DCAF8L2: variants seen among roughly 807,000 people sequenced by gnomAD.
DCAF8L2 encodes DDB1 and CUL4 associated factor 8 like 2.
For missense variants in DCAF8L2, 430 were observed against 490.7 expected (o/e 0.88, Z 1.17); for synonymous variants, 200 against 190.9 (o/e 1.05, Z -0.39).
intron 3 of DCAF8L2, among the ~76,000 whole-genome samples, chrX:27,691,420 T>G (rs1386233745): frequency 9.0e-6 from 1 of 111,033 alleles, no homozygotes; most frequent in African/African-American, 3.3e-5. Context: ...TAAAACACAG[T>G]TTTAAAATTC....
chrX:27,626,121 T>C (rs1927996493), intron 1 of DCAF8L2, among the ~76,000 whole-genome samples: 1 of 111,943 alleles, frequency 8.9e-6, no homozygotes, highest in Admixed American at 9.5e-5. Flanking sequence ...AGCTGAAAAC[T>C]TAAAAGAAGG....
rs192130270 is a variant in DCAF8L2, at chrX:27,646,519, T to G, written c.-220+14519T>G. Among the ~76,000 whole-genome samples the G allele has an allele frequency of 3.6e-3, 403 of 111,695 alleles. 4 individuals are homozygous for G. Among genetic ancestry groups the G allele is most frequent in the African/African-American group, 0.013 (389 of 30,840 alleles). ...ATAGGCATGGGCAAAGATTTTATGATGAAATCACCAAAAGTAATTGCAACA... is the reference window on the plus strand; with the variant it reads ...ATAGGCATGGGCAAAGATTTTATGAGGAAATCACCAAAAGTAATTGCAACA... On this transcript the variant is annotated intron_variant, in intron 2 of 4. Coordinates refer to ENST00000451261, the MANE Select transcript of DCAF8L2 (RefSeq NM_001353450.2).
chrX:27,704,308 A>G (rs1202691358), intron 3 of DCAF8L2, among the ~76,000 whole-genome samples: 4 of 107,087 alleles, frequency 3.7e-5, no homozygotes, highest in Admixed American at 2.0e-4. Context: ...ATGTGTGTGT[A>G]TATATATACA....
At chrX:27,645,433 C>T (rs1928901780) in intron 2 of DCAF8L2, among the ~76,000 whole-genome samples, 1 of 111,226 alleles carries the variant, frequency 9.0e-6, no homozygotes, top group East Asian at 2.8e-4. Flanking sequence ...ATAATAAAAG[C>T]CATTTATAAC....
the DCAF8L2 span, among the ~76,000 whole-genome samples, chrX:27,501,773 G>C: frequency 9.0e-6 from 1 of 110,823 alleles, no homozygotes; most frequent in African/African-American, 3.3e-5. Context: ...CCCTGGCATG[G>C]GGTTGAGAGG....
the DCAF8L2 span, among the ~76,000 whole-genome samples, chrX:27,576,663 G>A: frequency 7.2e-5 from 8 of 111,677 alleles, no homozygotes; most frequent in African/African-American, 2.6e-4. Flanking sequence ...ATAAGCCAGT[G>A]CAAAAATATA....
intron 1 of DCAF8L2, among the ~76,000 whole-genome samples, chrX:27,602,699 C>T (rs1926705389): frequency 4.5e-5 from 5 of 110,700 alleles, no homozygotes; most frequent in Admixed American, 2.9e-4. Context: ...TAATTTTGTC[C>T]TTTTTATGTT....
chrX:27,635,771 A>G (rs931348991), intron 2 of DCAF8L2, among the ~76,000 whole-genome samples: 6 of 106,654 alleles, frequency 5.6e-5, no homozygotes, highest in African/African-American at 2.1e-4. Context: ...AACGTATGAA[A>G]GCAATTTCCT....
At chrX:27,540,401 A>G in the DCAF8L2 span, among the ~76,000 whole-genome samples, 26,598 of 110,661 alleles carry the variant, frequency 0.24, 3,174 homozygotes, top group African/African-American at 0.45. Flanking sequence ...GAAGCAGCCA[A>G]ACAGGTCCCT....
the DCAF8L2 span, among the ~76,000 whole-genome samples, chrX:27,524,147 T>A: frequency 9.0e-6 from 1 of 111,618 alleles, no homozygotes; most frequent in Non-Finnish European, 1.9e-5. Context: ...CGGCTGTGAA[T>A]CCGTCTGGTC....
chrX:27,577,863 A>G, the DCAF8L2 span, among the ~76,000 whole-genome samples: 1 of 111,821 alleles, frequency 8.9e-6, no homozygotes, highest in East Asian at 2.8e-4. Context: ...GACTTTCTCA[A>G]GGAGAACTAC....
intron 4 of DCAF8L2, among the ~76,000 whole-genome samples, chrX:27,734,799 A>G (rs1226941193): frequency 9.0e-6 from 1 of 111,719 alleles, no homozygotes; most frequent in African/African-American, 3.3e-5. Flanking sequence ...AATTATATTA[A>G]TATCTCTAAT....
At chrX:27,591,964 G>A (rs972266612) in intron 1 of DCAF8L2, among the ~76,000 whole-genome samples, 2 of 112,546 alleles carry the variant, frequency 1.8e-5, no homozygotes, top group Non-Finnish European at 1.9e-5. Flanking sequence ...CCTGGTTGTC[G>A]TCCATCCTGC....
the DCAF8L2 span, among the ~76,000 whole-genome samples, chrX:27,492,213 T>A: frequency 8.9e-6 from 1 of 112,155 alleles, no homozygotes; most frequent in Non-Finnish European, 1.9e-5. Flanking sequence ...GTTTTGAAGA[T>A]CATCATCCCT....
At chrX:27,529,537 C>G in the DCAF8L2 span, among the ~76,000 whole-genome samples, 2 of 111,025 alleles carry the variant, frequency 1.8e-5, no homozygotes, top group Non-Finnish European at 3.8e-5. Context: ...GGTAAGCACA[C>G]AAAATAATCA....
intron 3 of DCAF8L2, among the ~76,000 whole-genome samples, chrX:27,703,288 A>G (rs919981658): frequency 2.7e-5 from 3 of 111,394 alleles, no homozygotes; most frequent in Admixed American, 9.6e-5. Flanking sequence ...AATCTCTATC[A>G]AAATCGCAGC....
intron 1 of DCAF8L2, among the ~76,000 whole-genome samples, chrX:27,600,789 A>T: frequency 8.9e-6 from 1 of 112,153 alleles, no homozygotes; most frequent in Non-Finnish European, 1.9e-5. Context: ...TCTAGGGTGC[A>T]TGGAAATCAA....
intron 1 of DCAF8L2, among the ~76,000 whole-genome samples, chrX:27,594,769 AC>A (rs1334069600): frequency 8.9e-6 from 1 of 111,763 alleles, no homozygotes; most frequent in Non-Finnish European, 1.9e-5. Context: ...TAATATGGTA[AC>A]ATCAATAACA....
chrX:27,545,013 G>A, the DCAF8L2 span, among the ~76,000 whole-genome samples: 40 of 112,199 alleles, frequency 3.6e-4, no homozygotes, highest in African/African-American at 1.0e-3. Context: ...AATTTTAGCA[G>A]TTTAAAATCT....
Sources: gnomAD v4.1 joint callset for allele counts (sites outside exome capture counted in the v4.1 genomes callset) on GRCh38, gnomAD v4.1.1 for gene constraint, MANE v1.5 for transcripts, NCBI Gene and HGNC (gene_info 2026-07-23, HGNC 2026-07-21) for gene names.